PDE2A: variants seen among roughly 807,000 people sequenced by gnomAD.
PDE2A encodes the protein phosphodiesterase 2A, also known as cGMP-dependent 3',5'-cyclic phosphodiesterase.
A neutral mutation model predicts 133.6 loss-of-function variants in PDE2A; 53 were observed. The ratio of observed to expected loss-of-function variants is 0.40; its 90% CI spans 0.32 to 0.50. The LOEUF is 0.50. Among genes scored for constraint, PDE2A ranks in the 20% least tolerant of loss-of-function variants. The pLI is 0.73. For missense variants in PDE2A, 796 were observed against 1,232.4 expected, an observed-to-expected ratio of 0.65 and a Z score of 5.30; for synonymous variants, 491 against 490.2, an observed-to-expected ratio of 1.00 and a Z score of -0.02.
At chr11:72,636,032 G>T (rs1356504500) in intron 2 of PDE2A, 3 of 1,272,720 alleles carry the variant, frequency 2.4e-6, no homozygotes, top group African/African-American at 1.5e-5. Flanking sequence ...GCAGCCCCCA[G>T]TAGAGGCAAC....
At chr11:72,645,826 C>G (rs989946473) in intron 1 of PDE2A, among the ~76,000 whole-genome samples, 11 of 152,196 alleles carry the variant, frequency 7.2e-5, no homozygotes, top group African/African-American at 2.7e-4. Context: ...TTCATCTTCT[C>G]AACAATGTTA....
chr11:72,639,741 A>G (rs1405200469), intron 2 of PDE2A, among the ~76,000 whole-genome samples: 49 of 152,058 alleles, frequency 3.2e-4, no homozygotes, highest in Non-Finnish European at 1.5e-5. Flanking sequence ...ACCCAAAACA[A>G]AGGGCTTGGT....
intron 1 of PDE2A, among the ~76,000 whole-genome samples, chr11:72,648,942 C>A (rs1054828904): frequency 1.3e-5 from 2 of 152,190 alleles, no homozygotes; most frequent in Non-Finnish European, 1.5e-5. Context: ...GTGGCCACGC[C>A]TGCTTCTGTG....
chr11:72,665,277 C>T (rs1191731838), intron 1 of PDE2A, among the ~76,000 whole-genome samples: 1 of 152,068 alleles, frequency 6.6e-6, no homozygotes, highest in Admixed American at 6.6e-5. Flanking sequence ...GGGCCTCCCA[C>T]CCTAGAGCCC....
At chr11:72,585,706 G>A (rs1433465013) in intron 14 of PDE2A, 113 bp from the exon 15 acceptor site, 8 of 872,394 alleles carry the variant, frequency 9.2e-6, no homozygotes, top group Non-Finnish European at 1.5e-5. Context: ...AGGGCTCACT[G>A]GACAAGCCAG....
intron 1 of PDE2A, among the ~76,000 whole-genome samples, chr11:72,673,928 G>A (rs910774500): frequency 2.6e-5 from 4 of 152,096 alleles, no homozygotes; most frequent in Non-Finnish European, 5.9e-5. Context: ...CTAGGTTGAC[G>A]TTAGACACCC....
intron 3 of PDE2A, among the ~76,000 whole-genome samples, chr11:72,605,975 G>A (rs559268296): frequency 1.3e-4 from 20 of 152,206 alleles, no homozygotes; most frequent in African/African-American, 4.3e-4. Flanking sequence ...ATGGGCTTAC[G>A]AACAGAACTG....
rs201613389 is a variant in PDE2A at position 72,589,973 on chromosome 11, C to T, written c.765G>A (p.Gln255=). ...LQLKVLQYLQ[Q]ETRASRCCLL... Reference sequence around the variant, plus strand: ...GGCAGCAGCGGGATGCCCGGGTCTCCTGCTGCAGCTGAGAGAGGGACAGGC... The same window carrying T: ...GGCAGCAGCGGGATGCCCGGGTCTCTTGCTGCAGCTGAGAGAGGGACAGGC... The change falls in exon 10 of 31, where the codon CAG becomes CAA. Residue 255 remains glutamine, a synonymous_variant. Transcript: ENST00000334456. 8.8e-5 allele frequency: 142 copies of T among 1,611,964 alleles called. 2 individuals carry two copies. In the East Asian group the frequency reaches 3.1e-3, roughly 36 times the overall value.
At chr11:72,617,677 G>C (rs1450579247) in intron 2 of PDE2A, among the ~76,000 whole-genome samples, 1 of 152,188 alleles carries the variant, frequency 6.6e-6, no homozygotes, top group Non-Finnish European at 1.5e-5. Flanking sequence ...TTCAGAAGCA[G>C]AGGGATAGAC....
chr11:72,635,933 G>A (rs979355023), intron 2 of PDE2A: 114 of 1,148,544 alleles, frequency 9.9e-5, no homozygotes, highest in Non-Finnish European at 1.2e-4. Flanking sequence ...TCGGCCACCC[G>A]ACCTTCCCGC....
chr11:72,636,307 A>G (rs1285777713), intron 2 of PDE2A, among the ~76,000 whole-genome samples: 1 of 152,234 alleles, frequency 6.6e-6, no homozygotes, highest in East Asian at 1.9e-4. Flanking sequence ...CATGTTTAGC[A>G]TTTTCATAAA....
intron 1 of PDE2A, among the ~76,000 whole-genome samples, chr11:72,673,279 C>T (rs1855424010): frequency 6.6e-6 from 1 of 152,072 alleles, no homozygotes; most frequent in Non-Finnish European, 1.5e-5. Flanking sequence ...TGCGAATAAA[C>T]TCTCACTCAC....
chr11:72,644,688 C>A (rs1387282760), intron 1 of PDE2A, among the ~76,000 whole-genome samples: 2 of 152,238 alleles, frequency 1.3e-5, no homozygotes, highest in African/African-American at 4.8e-5. Context: ...CTCCAGGCAC[C>A]ACCTCCATGG....
At chr11:72,605,086 T>G in intron 4 of PDE2A, 52 bp downstream of exon 4, 23 of 1,206,812 alleles carry the variant, frequency 1.9e-5, no homozygotes, top group Non-Finnish European at 2.8e-5. Flanking sequence ...GCCTCAGCCC[T>G]GAGAATCCTT....
chr11:72,660,757 T>C (rs549536189), intron 1 of PDE2A, among the ~76,000 whole-genome samples: 2 of 151,926 alleles, frequency 1.3e-5, no homozygotes, highest in Non-Finnish European at 2.9e-5. Context: ...ACGCCAGGCA[T>C]GGATGATGTG....
At chr11:72,634,533 GC>G (rs1164285187) in intron 2 of PDE2A, among the ~76,000 whole-genome samples, 1 of 152,208 alleles carries the variant, frequency 6.6e-6, no homozygotes, top group East Asian at 1.9e-4. Flanking sequence ...GGCAGCGGAA[GC>G]CCTTGGAACT....
Position 72,625,650 on chromosome 11 carries a change from G to A in PDE2A, c.144+16604C>T, listed in dbSNP as rs115806600. Among the ~76,000 whole-genome samples, 1,151 of 152,174 alleles carry A rather than the reference G, an allele frequency of 7.6e-3. 12 individuals are homozygous for A. Among genetic ancestry groups the A allele is most frequent in the African/African-American group, 0.026 (1,076 of 41,494 alleles). ...AAGAAGAAAGGAACATGAGAGAGGT[G>A]GAGGGCATTTGTGGGGTTTGGAGAA... is the stretch of plus-strand genomic sequence containing the variant. On this transcript the variant is annotated intron_variant, in intron 2 of 30. Transcript: ENST00000334456.
In PDE2A at chr11:72,673,985, G is replaced by A. The variant is rs1855443933; in HGVS notation, c.71+152C>T. 3.1e-5 allele frequency: 23 copies of A among 730,246 alleles called. No homozygotes were observed. The South Asian group carries it at 4.3e-4, about 14-fold the overall frequency. The allele number at this position is 730,246 out of a possible 1,614,324, so 45.2% of individuals were successfully genotyped here. A position where few individuals can be genotyped will look rare whatever the true frequency, so the allele number is the denominator to read the frequency against. On this transcript the variant is annotated intron_variant, in intron 1 of 30. Transcript: ENST00000334456. Reference sequence around the variant, plus strand: ...TGCCCCCACCCCAGGCTGCAGTCTGGCAACGCGGGGAGGAGGGGTGCCCAG... The same window carrying A: ...TGCCCCCACCCCAGGCTGCAGTCTGACAACGCGGGGAGGAGGGGTGCCCAG...
chr11:72,657,051 G>A (rs766067544), intron 1 of PDE2A, among the ~76,000 whole-genome samples: 3 of 151,974 alleles, frequency 2.0e-5, no homozygotes, highest in Non-Finnish European at 2.9e-5. Context: ...CCCATCCCAC[G>A]CTGCTTCATC....
Sources: gnomAD v4.1 joint callset for allele counts (sites outside exome capture counted in the v4.1 genomes callset) on GRCh38, gnomAD v4.1.1 for gene constraint, MANE v1.5 for transcripts, NCBI Gene and HGNC (gene_info 2026-07-23, HGNC 2026-07-21) for gene names.